Variants in DLG2 observed in about 807,000 individuals in gnomAD.
DLG2 encodes the protein discs large MAGUK scaffold protein 2.
In DLG2, 45 loss-of-function variants were observed where a neutral mutation model predicts 132.5. The ratio of observed to expected loss-of-function variants is 0.34; its 90% CI spans 0.27 to 0.44. The LOEUF is 0.44. DLG2 is among the 20% of genes least tolerant of loss of function. DLG2 has a pLI of 1.00. For missense variants in DLG2, 1,045 were observed against 1,196.9 expected, an observed-to-expected ratio of 0.87 and a Z score of 1.87; for synonymous variants, 424 against 419.6, an observed-to-expected ratio of 1.01 and a Z score of -0.13.
At chr11:83,461,144 G>T (rs1189251899) in intron 27 of DLG2, among the ~76,000 whole-genome samples, 1 of 151,828 alleles carries the variant, frequency 6.6e-6, no homozygotes, top group African/African-American at 2.4e-5. Flanking sequence ...TAGTAGCTGG[G>T]ATTACAGGTG....
intron 7 of DLG2, among the ~76,000 whole-genome samples, chr11:84,369,313 A>G (rs1473605051): frequency 6.6e-6 from 1 of 152,106 alleles, no homozygotes; most frequent in African/African-American, 2.4e-5. Context: ...CCACTGTGCT[A>G]CTCTGTCTCT....
chr11:84,210,567 T>C (rs2096740859), intron 8 of DLG2, among the ~76,000 whole-genome samples: 1 of 151,726 alleles, frequency 6.6e-6, no homozygotes, highest in Admixed American at 6.6e-5. Flanking sequence ...TGCAGCTTTA[T>C]TCAGAAAAGC....
intron 8 of DLG2, among the ~76,000 whole-genome samples, chr11:84,204,948 C>G (rs192702575): frequency 1.6e-4 from 24 of 152,292 alleles, no homozygotes; most frequent in Non-Finnish European, 3.1e-4. Flanking sequence ...AGGTGATACA[C>G]CCGCCTCAGC....
intron 17 of DLG2, among the ~76,000 whole-genome samples, chr11:83,826,121 A>G (rs1227269328): frequency 6.6e-6 from 1 of 152,180 alleles, no homozygotes; most frequent in African/African-American, 2.4e-5. Flanking sequence ...GGAAAAGGAT[A>G]TGATTAGATA....
intron 6 of DLG2, among the ~76,000 whole-genome samples, chr11:84,633,111 T>C (rs1214395543): frequency 1.3e-5 from 2 of 152,230 alleles, no homozygotes; most frequent in African/African-American, 4.8e-5. Context: ...TGTAGCCATT[T>C]AGAGAAAGTC....
chr11:84,919,432 C>T lies in DLG2; in HGVS notation c.357+192229G>A, dbSNP rs117241441. On this transcript the variant is annotated intron_variant, in intron 6 of 27. Coordinates refer to ENST00000376104, the MANE Select transcript of DLG2 (RefSeq NM_001142699.3). ...TTTTTCTTAAAAGTTATTGTATTTA[C>T]GCTCAGTAAATTTTAAAAATAAAGG... 2.3e-3 allele frequency among the ~76,000 whole-genome samples: 351 copies of T among 152,220 alleles called. 1 individual carries two copies. Among genetic ancestry groups the T allele is most frequent in the Non-Finnish European group, 3.3e-3 (223 of 67,986 alleles).
At chr11:83,906,092 TATATATATATATAC>T (rs370862650) in intron 15 of DLG2, among the ~76,000 whole-genome samples, 8,567 of 92,798 alleles carry the variant, frequency 0.092, 344 homozygotes, top group East Asian at 0.18. Flanking sequence ...TATATATATA[TATATATATATATAC>T]ATATATAGTT....
intron 6 of DLG2, among the ~76,000 whole-genome samples, chr11:84,867,359 T>C (rs1254274281): frequency 6.6e-6 from 1 of 152,202 alleles, no homozygotes; most frequent in Non-Finnish European, 1.5e-5. Flanking sequence ...TTGCAGAGAA[T>C]GAGCCATGGT....
At chr11:84,392,228 TG>T (rs2098794931) in intron 7 of DLG2, among the ~76,000 whole-genome samples, 1 of 152,200 alleles carries the variant, frequency 6.6e-6, no homozygotes, top group African/African-American at 2.4e-5. Flanking sequence ...GTTCGCTTTT[TG>T]TTTTCCCCGC....
chr11:84,336,385 C>G (rs2098484711), intron 7 of DLG2, among the ~76,000 whole-genome samples: 1 of 152,196 alleles, frequency 6.6e-6, no homozygotes, highest in Non-Finnish European at 1.5e-5. Flanking sequence ...TTCTGTTCCT[C>G]CCAACCATTT....
At chr11:84,174,314 GGTTT>G (rs2095895923) in intron 8 of DLG2, among the ~76,000 whole-genome samples, 1 of 151,544 alleles carries the variant, frequency 6.6e-6, no homozygotes, top group South Asian at 2.1e-4. Flanking sequence ...TATCCTTTGA[GGTTT>G]ATTTTCCTAA....
intron 4 of DLG2, among the ~76,000 whole-genome samples, chr11:85,201,526 T>A (rs1397607028): frequency 6.6e-6 from 1 of 152,164 alleles, no homozygotes; most frequent in Admixed American, 6.5e-5. Flanking sequence ...GCAAGACACA[T>A]GGCTTGGGTG....
chr11:84,626,610 C>T (rs1292520065), intron 6 of DLG2, among the ~76,000 whole-genome samples: 1 of 152,048 alleles, frequency 6.6e-6, no homozygotes, highest in African/African-American at 2.4e-5. Flanking sequence ...AGATCCAGTC[C>T]TTATTAATTA....
At chr11:84,909,829 C>A (rs2091898590) in intron 6 of DLG2, among the ~76,000 whole-genome samples, 3 of 152,168 alleles carry the variant, frequency 2.0e-5, no homozygotes, top group Non-Finnish European at 4.4e-5. Context: ...AAATATTCTG[C>A]CCAGGATGTT....
intron 2 of DLG2, among the ~76,000 whole-genome samples, chr11:85,623,764 T>C (rs937177664): frequency 9.2e-5 from 14 of 152,210 alleles, no homozygotes; most frequent in African/African-American, 3.1e-4. Context: ...TTTTTATCTT[T>C]AAAACAGCAA....
chr11:85,231,936 C>T (rs2075323109), intron 4 of DLG2, among the ~76,000 whole-genome samples: 2 of 151,814 alleles, frequency 1.3e-5, no homozygotes, highest in East Asian at 1.9e-4. Context: ...AAATTTCACC[C>T]TGCACTCACG....
At position 84,107,013 on chromosome 11, in the gene DLG2, TGA is replaced by T. The variant is rs35604470; in HGVS notation, c.625-7968_625-7967del. Among the ~76,000 whole-genome samples, 25 of 126,106 alleles carry T rather than the reference TGA, an allele frequency of 2.0e-4. 2 individuals are homozygous for T. Among genetic ancestry groups the T allele is most frequent in the African/African-American group, 6.4e-4 (21 of 32,588 alleles). 82.7% of individuals were successfully genotyped at this position (126,106 alleles called of 152,430 possible). Reference sequence around the variant, plus strand: ...GTGTGTGTGTGTGTGTGTGTGTGTGTGAGAGAGTTTTAGCCTTAGGGGAGATA... The same window carrying T: ...GTGTGTGTGTGTGTGTGTGTGTGTGTGAGAGTTTTAGCCTTAGGGGAGATA... On this transcript the variant is annotated intron_variant, in intron 9 of 27. Coordinates refer to ENST00000376104, the MANE Select transcript of DLG2 (RefSeq NM_001142699.3).
rs187917380 is a variant in DLG2 at position 84,358,077 on chromosome 11, G to A, written c.520-106786C>T. ...TGTGCTTTCCAATCTACAAAAATCTGCTCCGTATAGTATCTCATTGCTCAT... is the reference window on the plus strand; with the variant it reads ...TGTGCTTTCCAATCTACAAAAATCTACTCCGTATAGTATCTCATTGCTCAT... On this transcript the variant is annotated intron_variant, in intron 7 of 27. Transcript: ENST00000376104. 2.2e-3 allele frequency among the ~76,000 whole-genome samples: 341 copies of A among 152,022 alleles called. 1 individual carries two copies. The highest frequency in any genetic ancestry group is 8.0e-3 in the African/African-American group (330 of 41,502).
At chr11:84,727,595 T>C (rs573087792) in intron 6 of DLG2, among the ~76,000 whole-genome samples, 24 of 152,274 alleles carry the variant, frequency 1.6e-4, no homozygotes, top group African/African-American at 4.1e-4. Flanking sequence ...TTTGGTTCCA[T>C]ATGAACTTTA....
Sources: allele counts gnomAD v4.1 joint callset (sites outside exome capture counted in the v4.1 genomes callset), GRCh38; gene constraint gnomAD v4.1.1; transcripts MANE v1.5; gene names NCBI Gene and HGNC (gene_info 2026-07-23, HGNC 2026-07-21).